DLGAP2: variants seen among roughly 807,000 people sequenced by gnomAD.
DLGAP2 encodes DLG associated protein 2.
Under a neutral mutation model 100.3 loss-of-function variants are expected in DLGAP2, and 26 were observed. The ratio of observed to expected loss-of-function variants is 0.26; its 90% CI spans 0.19 to 0.36. The LOEUF (loss-of-function observed/expected upper bound fraction) is 0.36. Among genes scored for constraint, DLGAP2 ranks in the 10% least tolerant of loss-of-function variants. The pLI is 1.00. For missense variants in DLGAP2, 1,858 were observed against 1,453.2 expected (o/e 1.28, Z -4.53); for synonymous variants, 886 against 630.1 (o/e 1.41, Z -6.08).
At chr8:1,084,208 C>A (rs1803900117) in intron 2 of DLGAP2, among the ~76,000 whole-genome samples, 1 of 152,172 alleles carries the variant, frequency 6.6e-6, no homozygotes, top group South Asian at 2.1e-4. Context: ...TACCAAGAAG[C>A]AGTGCTCAGT....
At chr8:1,460,135 G>A (rs1207453036) in intron 3 of DLGAP2, among the ~76,000 whole-genome samples, 1 of 152,134 alleles carries the variant, frequency 6.6e-6, no homozygotes, top group African/African-American at 2.4e-5. Context: ...TGCGGCCCCG[G>A]GCTTCTGTCC....
At chr8:1,487,089 T>C (rs1249547990) in intron 3 of DLGAP2, among the ~76,000 whole-genome samples, 2 of 152,192 alleles carry the variant, frequency 1.3e-5, no homozygotes, top group African/African-American at 2.4e-5. Context: ...TGAATTGCAA[T>C]GTAAGTGCTG....
chr8:1,640,211 C>T (rs2130792194), intron 8 of DLGAP2, among the ~76,000 whole-genome samples: 1 of 152,244 alleles, frequency 6.6e-6, no homozygotes. Context: ...CAGGTTGATC[C>T]TGATGAAGAG....
chr8:906,335 G>T (rs928311435), intron 1 of DLGAP2, among the ~76,000 whole-genome samples: 1 of 152,242 alleles, frequency 6.6e-6, no homozygotes, highest in Non-Finnish European at 1.5e-5. Context: ...TGATCTCCAC[G>T]TGGGGTGTGG....
intron 1 of DLGAP2, among the ~76,000 whole-genome samples, chr8:767,465 G>T (rs975820604): frequency 7.9e-5 from 12 of 150,960 alleles, no homozygotes; most frequent in African/African-American, 2.9e-4. Flanking sequence ...AGGTTCAAGC[G>T]ATTCTCGTGC....
Position 1,154,343 on chromosome 8 carries a change from G to A in DLGAP2, c.74-104508G>A, listed in dbSNP as rs532552382. 1.9e-3 allele frequency among the ~76,000 whole-genome samples: 284 copies of A among 152,260 alleles called. 3 individuals are homozygous for A. The highest frequency in any genetic ancestry group is 3.1e-3 in the Admixed American group (47 of 15,294). On this transcript the variant is annotated intron_variant, in intron 2 of 14. Coordinates refer to ENST00000637795, the MANE Select transcript of DLGAP2 (RefSeq NM_001346810.2). ...CACAGCAGAACAGCCAGGACCAGGC[G>A]TGGAGATGTGCCAGTATTTGCCCCC...
At chr8:1,565,032 T>G (rs934854883) in intron 5 of DLGAP2, among the ~76,000 whole-genome samples, 2 of 152,060 alleles carry the variant, frequency 1.3e-5, no homozygotes, top group Non-Finnish European at 2.9e-5. Context: ...GGCAGACGTA[T>G]AACACGCACA....
At chr8:1,093,191 C>A (rs1295524266) in intron 2 of DLGAP2, among the ~76,000 whole-genome samples, 1 of 152,218 alleles carries the variant, frequency 6.6e-6, no homozygotes, top group African/African-American at 2.4e-5. Flanking sequence ...ACCAATCTAA[C>A]CATTAATCCC....
In DLGAP2 at chr8:1,427,002, T is replaced by C. The variant is rs576248285; in HGVS notation, c.107-74364T>C. Among the ~76,000 whole-genome samples the C allele has an allele frequency of 2.6e-5, 4 of 152,324 alleles. No individual in the cohort carries two copies. In the South Asian group the frequency reaches 8.3e-4, roughly 32 times the overall value. On this transcript the variant is annotated intron_variant, in intron 3 of 14. Transcript: ENST00000637795. ...GACAATTAAAAACTATGAGTGCTTA[T>C]TTGAATAATTTAAAGAAGAGGCTTC...
chr8:1,121,244 C>G (rs1178996463), intron 2 of DLGAP2, among the ~76,000 whole-genome samples: 5 of 151,796 alleles, frequency 3.3e-5, no homozygotes, highest in African/African-American at 1.2e-4. Context: ...CCCATGAACA[C>G]CCATCCTCGT....
chr8:1,700,478 A>G (rs1483791087), intron 14 of DLGAP2, among the ~76,000 whole-genome samples: 1 of 152,012 alleles, frequency 6.6e-6, no homozygotes, highest in Non-Finnish European at 1.5e-5. Flanking sequence ...AGGGACACAG[A>G]CCTTTTGTGG....
At chr8:1,417,493 C>T (rs1004677041) in intron 3 of DLGAP2, among the ~76,000 whole-genome samples, 13 of 152,172 alleles carry the variant, frequency 8.5e-5, no homozygotes, top group African/African-American at 1.7e-4. Context: ...ACAGTTTCCA[C>T]GGGGCTCACC....
chr8:900,415 C>T (rs1182214775), intron 1 of DLGAP2, among the ~76,000 whole-genome samples: 3 of 152,248 alleles, frequency 2.0e-5, no homozygotes, highest in Non-Finnish European at 4.4e-5. Flanking sequence ...GGTGTTGCTC[C>T]TGGAGCTCCG....
intron 6 of DLGAP2, among the ~76,000 whole-genome samples, chr8:1,586,059 C>G (rs1796108799): frequency 6.6e-6 from 1 of 152,228 alleles, no homozygotes; most frequent in Admixed American, 6.5e-5. Flanking sequence ...GTCATAAAAA[C>G]TGCCACAAAC....
At chr8:1,432,788 G>A (rs548743150) in intron 3 of DLGAP2, among the ~76,000 whole-genome samples, 140 of 152,326 alleles carry the variant, frequency 9.2e-4, no homozygotes, top group African/African-American at 2.8e-3. Flanking sequence ...TCCCGCGATC[G>A]CGTGTTTGGA....
chr8:1,320,250 C>A (rs1225143415), intron 3 of DLGAP2, among the ~76,000 whole-genome samples: 1 of 152,046 alleles, frequency 6.6e-6, no homozygotes, highest in Non-Finnish European at 1.5e-5. Flanking sequence ...GTTATGTGTT[C>A]TTCCTGAGCC....
At chr8:1,231,291 C>G (rs184922732) in intron 2 of DLGAP2, among the ~76,000 whole-genome samples, 1 of 152,270 alleles carries the variant, frequency 6.6e-6, no homozygotes, top group African/African-American at 2.4e-5. Flanking sequence ...AATGAGATAC[C>G]ATCTCACGCC....
At chr8:1,019,897 TG>T (rs1369901831) in intron 2 of DLGAP2, among the ~76,000 whole-genome samples, 3 of 152,174 alleles carry the variant, frequency 2.0e-5, no homozygotes, top group Non-Finnish European at 4.4e-5. Flanking sequence ...CCTTCCGGGA[TG>T]GCCTGTGTGT....
chr8:1,633,178 T>C lies in DLGAP2; in HGVS notation c.1810+132T>C. The C allele has an allele frequency of 8.6e-6, 7 of 816,626 alleles. No individual in the cohort carries two copies. The South Asian group carries it at 1.3e-4, about 15-fold the overall frequency. The allele number at this position is 816,626 out of a possible 1,614,324, so 50.6% of individuals were successfully genotyped here. On this transcript the variant is annotated intron_variant, in intron 8 of 14. Transcript: ENST00000637795. ...CTGACATCTAGTAACGTTTCCTAAT[T>C]GCATGTGTTACACTGTCACATTCGC... is the stretch of plus-strand genomic sequence containing the variant.
Sources: allele counts gnomAD v4.1 joint callset (sites outside exome capture counted in the v4.1 genomes callset), GRCh38; gene constraint gnomAD v4.1.1; transcripts MANE v1.5; gene names NCBI Gene and HGNC (gene_info 2026-07-23, HGNC 2026-07-21).